The following SASH1 variants were observed in gnomAD, a reference collection of about 807,000 sequenced individuals.
SASH1 encodes the protein SAM and SH3 domain containing 1, also known as SAM and SH3 domain-containing protein 1.
Under a neutral mutation model 125.2 loss-of-function variants are expected in SASH1, and 44 were observed. That is an observed-to-expected ratio of 0.35 (90% CI 0.28 to 0.45). SASH1 has a LOEUF of 0.45. Ranked by LOEUF, SASH1 falls within the 20% of genes least tolerant of loss-of-function variation. The pLI is 1.00. For synonymous variants in SASH1, 639 were observed against 649.1 expected, an observed-to-expected ratio of 0.98 and a Z score of 0.24; for missense variants, 1,426 against 1,614.5, an observed-to-expected ratio of 0.88 and a Z score of 2.00.
intron 8 of SASH1, among the ~76,000 whole-genome samples, chr6:148,501,606 C>T (rs1779562819): frequency 1.3e-5 from 2 of 152,164 alleles, no homozygotes; most frequent in South Asian, 4.1e-4. Context: ...TTTCCTAACT[C>T]ACCTATTTAA....
chr6:148,301,529 G>T (rs1779944690), intron 1 of SASH1, among the ~76,000 whole-genome samples: 1 of 151,934 alleles, frequency 6.6e-6, no homozygotes, highest in Admixed American at 6.6e-5. Context: ...GCCTCCCAAA[G>T]TGCTGGGATT....
At chr6:148,414,735 G>A (rs911082306) in intron 2 of SASH1, among the ~76,000 whole-genome samples, 2 of 151,812 alleles carry the variant, frequency 1.3e-5, no homozygotes, top group Non-Finnish European at 1.5e-5. Flanking sequence ...ATGCGATTTT[G>A]GCATACCGCA....
At chr6:148,271,200 G>A (rs896617029), upstream of SASH1, among the ~76,000 whole-genome samples, 7 of 152,026 alleles carry the variant, frequency 4.6e-5, no homozygotes, top group East Asian at 9.6e-4. Flanking sequence ...GTGAGCCACC[G>A]CGCCCAGCTC....
intron 1 of SASH1, among the ~76,000 whole-genome samples, chr6:148,367,192 GGGATTACAGGCGTGAGCCACCGCACCT>G (rs758218533): frequency 2.6e-4 from 39 of 152,216 alleles, no homozygotes; most frequent in Admixed American, 4.6e-4. Flanking sequence ...CCAAAGTGCG[GGGATTACAGGCGTGAGCCACCGCACCT>G]GGCCACAGTG....
chr6:148,505,278 A>G (rs1394314935), intron 8 of SASH1, among the ~76,000 whole-genome samples: 7 of 152,200 alleles, frequency 4.6e-5, no homozygotes, highest in Non-Finnish European at 1.0e-4. Context: ...TGCTGGCCAT[A>G]TGACAAGCTT....
chr6:148,498,219 A>AC (rs1779394506), intron 8 of SASH1, among the ~76,000 whole-genome samples: 1 of 100,762 alleles, frequency 9.9e-6, no homozygotes, highest in African/African-American at 4.0e-5. Context: ...CCTCATCTCT[A>AC]CAAAAACAAA....
chr6:148,298,891 GGGAA>G (rs1160880129), intron 1 of SASH1, among the ~76,000 whole-genome samples: 20 of 131,138 alleles, frequency 1.5e-4, no homozygotes, highest in African/African-American at 4.6e-4. Flanking sequence ...GAGGGAGGGA[GGGAA>G]GGAAGAAAGG....
the SASH1 span, among the ~76,000 whole-genome samples, chr6:148,232,428 C>A: frequency 6.6e-6 from 1 of 152,026 alleles, no homozygotes; most frequent in African/African-American, 2.4e-5. Context: ...CTAGGTGAGT[C>A]AAGGATAACT....
chr6:148,264,910 C>T, the SASH1 span, among the ~76,000 whole-genome samples: 4 of 152,256 alleles, frequency 2.6e-5, no homozygotes, highest in Admixed American at 2.0e-4. Context: ...ATCTAGAAAG[C>T]ATGCTTCATG....
chr6:148,198,308 A>G, the SASH1 span, among the ~76,000 whole-genome samples: 2 of 152,206 alleles, frequency 1.3e-5, no homozygotes, highest in Non-Finnish European at 2.9e-5. Flanking sequence ...TCTTTCCTTT[A>G]TAAATGATCC....
At chr6:148,246,841 A>G in the SASH1 span, among the ~76,000 whole-genome samples, 1 of 152,250 alleles carries the variant, frequency 6.6e-6, no homozygotes, top group African/African-American at 2.4e-5. Context: ...ACTGGTATCC[A>G]AAGAATATCA....
rs141802275 is a variant in SASH1 at position 148,535,061 on chromosome 6, C to G, written c.2095+160C>G. Among the ~76,000 whole-genome samples, 511 of 152,024 alleles carry G rather than the reference C, an allele frequency of 3.4e-3. 1 individual carries two copies. The highest frequency in any genetic ancestry group is 0.011 in the African/African-American group (469 of 41,424). ...AAGTCCCTGTACGCACAGAGGTGTT[C>G]CCTGTGAGGTCTGCCACAGCAGGCC... On this transcript the variant is annotated intron_variant, in intron 16 of 19. Coordinates refer to ENST00000367467, the MANE Select transcript of SASH1 (RefSeq NM_015278.5).
Position 148,519,837 on chromosome 6 carries a change from T to C in SASH1, c.1153T>C (p.Ser385Pro). 1 of 1,609,468 alleles carries C rather than the reference T, an allele frequency of 6.2e-7. No homozygotes were observed. Among genetic ancestry groups the C allele is most frequent in the Non-Finnish European group, 8.5e-7 (1 of 1,178,220 alleles). Residue 385 changes from serine (S) to proline (P), a missense_variant, in exon 10 of 20, where the codon TCC becomes CCC. This residue lies in a region of SASH1 where 567 missense variants were observed against 575.6 expected (regional missense o/e 0.99). Transcript: ENST00000367467. This position sits in a 1 kb window ranked among gnomAD's most constrained non-coding sequence, Gnocchi z 4.8. ...YPEEEKAQKV[S>P]RSLTEGEMKK... ...AGAAGAAGAAAAGGCCCAGAAAGTG[T>C]CCCGCTCCCTCACCGAGGGGGAGAT...
intron 1 of SASH1, among the ~76,000 whole-genome samples, chr6:148,314,258 C>G (rs919689236): frequency 6.6e-6 from 1 of 152,142 alleles, no homozygotes; most frequent in African/African-American, 2.4e-5. Context: ...TCATGCAACT[C>G]CAAGGCCACA....
chr6:148,352,982 A>G (rs961716503), intron 1 of SASH1, among the ~76,000 whole-genome samples: 1 of 152,204 alleles, frequency 6.6e-6, no homozygotes, highest in Non-Finnish European at 1.5e-5. Context: ...AAGAAAAAAA[A>G]GTGAGTTATT....
intron 1 of SASH1, among the ~76,000 whole-genome samples, chr6:148,312,997 G>C (rs1416817638): frequency 6.6e-6 from 1 of 152,056 alleles, no homozygotes. Context: ...GGATTGAGGA[G>C]GGAGATTCAC....
At chr6:148,252,703 T>G in the SASH1 span, among the ~76,000 whole-genome samples, 1 of 152,216 alleles carries the variant, frequency 6.6e-6, no homozygotes, top group African/African-American at 2.4e-5. Flanking sequence ...GGTCTCAAAC[T>G]GCTGACCTCA....
intron 1 of SASH1, among the ~76,000 whole-genome samples, chr6:148,368,770 G>GCGCGCACACACACACACACACACACA (rs1554245330): frequency 7.4e-6 from 1 of 135,732 alleles, no homozygotes; most frequent in Non-Finnish European, 1.6e-5. Flanking sequence ...GCACGCGCGC[G>GCGCGCACACACACACACACACACACA]CACACACACA....
chr6:148,275,578 A>G (rs1010792907), intron 1 of SASH1, among the ~76,000 whole-genome samples: 1 of 152,186 alleles, frequency 6.6e-6, no homozygotes, highest in East Asian at 1.9e-4. Context: ...GACAGCTTCA[A>G]GTGGTTCCTC....
Sources: allele counts gnomAD v4.1 joint callset (sites outside exome capture counted in the v4.1 genomes callset), GRCh38; gene constraint gnomAD v4.1.1; regional missense constraint gnomAD v4.1.1; non-coding constraint Gnocchi (gnomAD v3.1); transcripts MANE v1.5; gene names NCBI Gene and HGNC (gene_info 2026-07-23, HGNC 2026-07-21).